Variants in PRSS23 observed in about 807,000 individuals in gnomAD.
PRSS23 encodes serine protease 23.
A neutral mutation model predicts 34.7 loss-of-function variants in PRSS23; 25 were observed. The ratio of observed to expected loss-of-function variants is 0.72; its 90% CI spans 0.53 to 1.01. The LOEUF is 1.01. Among genes scored for constraint, PRSS23 ranks in the 50% least tolerant of loss-of-function variants. The pLI is 0.00. For missense variants in PRSS23, 445 were observed against 475.6 expected (o/e 0.94, Z 0.60); for synonymous variants, 176 against 186.6 (o/e 0.94, Z 0.46).
At chr11:86,883,976 T>C (rs555357995) in intron 2 of PRSS23, among the ~76,000 whole-genome samples, 46 of 152,344 alleles carry the variant, frequency 3.0e-4, no homozygotes, top group African/African-American at 1.1e-3. Context: ...CTTTTCATCC[T>C]ATCTTCCTTA....
upstream of PRSS23, among the ~76,000 whole-genome samples, chr11:86,796,303 T>G (rs1331786847): frequency 6.6e-6 from 1 of 152,180 alleles, no homozygotes; most frequent in East Asian, 1.9e-4. Flanking sequence ...CTCAGAATCC[T>G]CATCTGCAGA....
intron 2 of PRSS23, among the ~76,000 whole-genome samples, chr11:86,879,362 A>G (rs1286565086): frequency 3.4e-5 from 4 of 117,004 alleles, no homozygotes; most frequent in African/African-American, 6.7e-5. Flanking sequence ...GCCCCATATG[A>G]GAAGTGAGGA....
chr11:86,856,700 C>A (rs1190616993), intron 2 of PRSS23, among the ~76,000 whole-genome samples: 1 of 152,154 alleles, frequency 6.6e-6, no homozygotes, highest in Non-Finnish European at 1.5e-5. Context: ...GGAGGACATG[C>A]TGCACATTGT....
chr11:86,951,962 T>C (rs1170992645), exon 3 of PRSS23: 2 of 1,614,040 alleles, frequency 1.2e-6, no homozygotes, highest in Non-Finnish European at 1.7e-6. Context: ...AGCAATGCTA[T>C]AAATATTATA....
chr11:86,917,627 A>C (rs983486804), intron 2 of PRSS23, among the ~76,000 whole-genome samples: 9 of 152,194 alleles, frequency 5.9e-5, no homozygotes, highest in African/African-American at 2.2e-4. Flanking sequence ...TTTTAATTCT[A>C]ATGCTTAAAA....
At chr11:86,821,333 C>A (rs866258144) in intron 1 of PRSS23, 5 of 691,672 alleles carry the variant, frequency 7.2e-6, no homozygotes, top group African/African-American at 3.6e-5. Context: ...TGAAAATATT[C>A]TGTAACTCCT....
chr11:86,866,716 G>C (rs1948651857), intron 2 of PRSS23, among the ~76,000 whole-genome samples: 1 of 152,178 alleles, frequency 6.6e-6, no homozygotes, highest in Non-Finnish European at 1.5e-5. Context: ...TTGGGTCATG[G>C]AGTAGAATCC....
chr11:86,841,138 G>A (rs779563822), intron 2 of PRSS23, among the ~76,000 whole-genome samples: 6 of 151,976 alleles, frequency 3.9e-5, no homozygotes, highest in Non-Finnish European at 8.8e-5. Context: ...TCAGGAGTTC[G>A]AGACCAGTCT....
intron 2 of PRSS23, among the ~76,000 whole-genome samples, chr11:86,839,090 C>T (rs1271224506): frequency 4.0e-5 from 6 of 151,782 alleles, no homozygotes; most frequent in Non-Finnish European, 8.8e-5. Context: ...CTCTTCTCCT[C>T]CAAAGGATTG....
At chr11:86,855,955 A>T (rs1020564483) in intron 2 of PRSS23, among the ~76,000 whole-genome samples, 1 of 152,226 alleles carries the variant, frequency 6.6e-6, no homozygotes, top group African/African-American at 2.4e-5. Flanking sequence ...ATAATACATC[A>T]TTGTGTGTGT....
At chr11:86,879,575 C>T (rs1202327891) in intron 2 of PRSS23, among the ~76,000 whole-genome samples, 7 of 139,060 alleles carry the variant, frequency 5.0e-5, no homozygotes, top group Non-Finnish European at 8.0e-5. Context: ...CCCGGCCAGC[C>T]GCCCCGTCAG....
intron 2 of PRSS23, among the ~76,000 whole-genome samples, chr11:86,939,956 T>A (rs1325284083): frequency 6.6e-6 from 1 of 152,144 alleles, no homozygotes; most frequent in Non-Finnish European, 1.5e-5. Context: ...CAAAGAAAAC[T>A]GTGTCAAGAA....
intron 2 of PRSS23, among the ~76,000 whole-genome samples, chr11:86,844,154 T>C (rs1948469272): frequency 6.6e-6 from 1 of 152,166 alleles, no homozygotes; most frequent in South Asian, 2.1e-4. Context: ...GTAAGCAAAG[T>C]GTCACAAGGA....
intron 2 of PRSS23, chr11:86,857,958 G>C (rs1002528125): frequency 2.5e-6 from 1 of 402,114 alleles, no homozygotes; most frequent in African/African-American, 2.1e-5. Flanking sequence ...TCCCAGTATC[G>C]CAGGGGGTTG....
intron 2 of PRSS23, among the ~76,000 whole-genome samples, chr11:86,828,043 T>C (rs1238697743): frequency 3.3e-5 from 5 of 152,174 alleles, no homozygotes; most frequent in Admixed American, 6.5e-5. Flanking sequence ...AATTCCTGGG[T>C]ATCCTTGTTA....
rs776970288 is a variant in PRSS23, at chr11:86,807,749, C to T, written c.106C>T (p.Arg36Cys). ...APWKPTWPAY[R>C]LPVVLPQSTL... is the part of the protein sequence containing the mutation. ...CTGGAAACCCACTTGGCCTGCATACCGCCTCCCTGTCGTCTTGCCCCAGTC... is the reference window on the plus strand; with the variant it reads ...CTGGAAACCCACTTGGCCTGCATACTGCCTCCCTGTCGTCTTGCCCCAGTC... The change falls in exon 2 of 2, where the codon CGC (arginine) becomes TGC (cysteine). Residue 36 changes from arginine to cysteine, a missense_variant. Physicochemically the swap from Arg to Cys is radical, Grantham distance 180 (BLOSUM62 -3). Transcript: ENST00000280258. 116 of 1,614,114 alleles carry T rather than the reference C, an allele frequency of 7.2e-5. 3 individuals carry two copies. Among genetic ancestry groups the T allele is most frequent in the South Asian group, 6.3e-4 (57 of 91,074 alleles).
intron 2 of PRSS23, among the ~76,000 whole-genome samples, chr11:86,851,977 C>T (rs953432257): frequency 6.6e-6 from 1 of 152,180 alleles, no homozygotes; most frequent in East Asian, 1.9e-4. Flanking sequence ...ACAGAAACTC[C>T]ACAGTCTGCT....
chr11:86,908,716 A>G (rs887601730), intron 2 of PRSS23, among the ~76,000 whole-genome samples: 5 of 152,192 alleles, frequency 3.3e-5, no homozygotes, highest in African/African-American at 1.2e-4. Context: ...GTTAACTGAA[A>G]AATATCAGAC....
At chr11:86,834,811 C>T (rs1015218871) in intron 2 of PRSS23, among the ~76,000 whole-genome samples, 2 of 152,092 alleles carry the variant, frequency 1.3e-5, no homozygotes, top group African/African-American at 2.4e-5. Flanking sequence ...TTTTCCTTCT[C>T]CTAATTCTAG....
Sources: allele counts gnomAD v4.1 joint callset (sites outside exome capture counted in the v4.1 genomes callset), GRCh38; gene constraint gnomAD v4.1.1; transcripts MANE v1.5; gene names NCBI Gene and HGNC (gene_info 2026-07-23, HGNC 2026-07-21).